Variants in EHHADH observed in about 807,000 individuals in gnomAD.
EHHADH encodes the protein peroxisomal bifunctional enzyme.
Under a neutral mutation model 64.4 loss-of-function variants are expected in EHHADH, and 48 were observed. The ratio of observed to expected loss-of-function variants is 0.75; its 90% CI spans 0.59 to 0.95. EHHADH has a LOEUF of 0.95. EHHADH is among the 40% of genes least tolerant of loss of function. The pLI, the probability that EHHADH is intolerant of heterozygous loss-of-function variation, is 0.00. For missense variants in EHHADH, 854 were observed against 876.6 expected, an observed-to-expected ratio of 0.97 and a Z score of 0.33; for synonymous variants, 308 against 326.7, an observed-to-expected ratio of 0.94 and a Z score of 0.62.
intron 6 of EHHADH, 78 bp from the exon 7 acceptor site, chr3:185,193,565 C>T: frequency 6.7e-7 from 1 of 1,496,990 alleles, no homozygotes; most frequent in Non-Finnish European, 9.0e-7. Flanking sequence ...GGATGGAAGG[C>T]TTATGTGACA....
intron 5 of EHHADH, among the ~76,000 whole-genome samples, chr3:185,208,198 G>A (rs1284908151): frequency 6.6e-6 from 1 of 152,204 alleles, no homozygotes; most frequent in Non-Finnish European, 1.5e-5. Flanking sequence ...AAAGAACTGA[G>A]GGAGGCTTTC....
At chr3:185,235,603 A>C in intron 2 of EHHADH, 141 bp from the exon 3 acceptor site, 1 of 657,626 alleles carries the variant, frequency 1.5e-6, no homozygotes, top group East Asian at 3.3e-5. Context: ...TGATGACTAA[A>C]GTCTCAGACC....
intron 5 of EHHADH, among the ~76,000 whole-genome samples, chr3:185,213,192 T>C (rs1190825943): frequency 7.9e-6 from 1 of 127,028 alleles, no homozygotes; most frequent in Non-Finnish European, 1.7e-5. Context: ...AAATCAAAAC[T>C]AGCAAAAATT....
chr3:185,236,367 C>T (rs1234379002), intron 2 of EHHADH, among the ~76,000 whole-genome samples: 22 of 138,274 alleles, frequency 1.6e-4, no homozygotes, highest in Non-Finnish European at 3.0e-4. Flanking sequence ...ATCCCTGCCC[C>T]CCCACCCTCC....
At chr3:185,199,381 C>T (rs937080253) in intron 6 of EHHADH, among the ~76,000 whole-genome samples, 4 of 152,126 alleles carry the variant, frequency 2.6e-5, no homozygotes, top group African/African-American at 4.8e-5. Context: ...CAATGAAATA[C>T]GATGGTGGTG....
Position 185,254,014 on chromosome 3 carries a change from C to A in EHHADH, c.9G>T (p.Glu3Asp), listed in dbSNP as rs940360362. The A allele has an allele frequency of 1.2e-6, 2 of 1,613,770 alleles. No individual in the cohort carries two copies. Among genetic ancestry groups the A allele is most frequent in the African/African-American group, 2.7e-5 (2 of 74,918 alleles). Residue 3 changes from glutamate to aspartate, a missense_variant, in exon 1 of 7, where the codon GAG (glutamate) becomes GAT (aspartate). By Grantham distance (45) the Glu-to-Asp change is conservative. Transcript: ENST00000231887. ...CCAAGGCGTTGTGCAGCCGCGTATA[C>A]TCGGCCATGTTTCCTCTATCACCGA... MA[E>D]YTRLHNALAL...
intron 6 of EHHADH, among the ~76,000 whole-genome samples, chr3:185,195,680 A>G (rs1459361362): frequency 6.6e-6 from 1 of 152,224 alleles, no homozygotes; most frequent in African/African-American, 2.4e-5. Flanking sequence ...ACAGAAACAG[A>G]AAACCAAATA....
In EHHADH at chr3:185,208,137, T is replaced by C. The variant is rs561508554; in HGVS notation, c.569-3380A>G. Among the ~76,000 whole-genome samples the C allele has an allele frequency of 2.0e-5, 3 of 152,368 alleles. No individual in the cohort carries two copies. The East Asian group carries it at 5.8e-4, about 29-fold the overall frequency. On this transcript the variant is annotated intron_variant, in intron 5 of 6. Transcript: ENST00000231887. Reference sequence around the variant, plus strand: ...TGCCCTCTCAAATTGGTCACTCTGATGGAAGCCAGCTGCCCTGTTGTGAGC... The same window carrying C: ...TGCCCTCTCAAATTGGTCACTCTGACGGAAGCCAGCTGCCCTGTTGTGAGC...
rs528994191 is a variant in EHHADH, at chr3:185,197,870, C to T, written c.911-4383G>A. Among the ~76,000 whole-genome samples the T allele has an allele frequency of 6.6e-5, 10 of 151,954 alleles. 1 individual carries two copies. Among genetic ancestry groups the T allele is most frequent in the Non-Finnish European group, 1.5e-4 (10 of 67,982 alleles). On this transcript the variant is annotated intron_variant, in intron 6 of 6. Coordinates refer to ENST00000231887, the MANE Select transcript of EHHADH (RefSeq NM_001966.4). ...GGAGTGCAGTGGCGTGATCTCGGAA[C>T]ACTGCAACCTCTGCCTCCTGGGTTC...
intron 6 of EHHADH, among the ~76,000 whole-genome samples, chr3:185,199,652 G>A (rs781118971): frequency 9.2e-5 from 14 of 152,270 alleles, no homozygotes; most frequent in South Asian, 6.2e-4. Flanking sequence ...AAATTATATC[G>A]TATTCAAAAT....
chr3:185,240,638 T>G (rs1719422542), intron 2 of EHHADH, among the ~76,000 whole-genome samples: 1 of 152,082 alleles, frequency 6.6e-6, no homozygotes. Flanking sequence ...AATTTCTAAT[T>G]GTGTTTATTT....
At position 185,192,000 on chromosome 3, in the gene EHHADH, A is replaced by C. The variant is rs1009156017; in HGVS notation, c.*226T>G. On this transcript the variant is annotated 3_prime_UTR_variant, in exon 7 of 7. Transcript: ENST00000231887. ...CATTAGCTATTATGGTATTATATTC[A>C]CACAAGTTCATGCATTGAATTTATC... The C allele has an allele frequency of 1.7e-5, 9 of 538,004 alleles. No individual in the cohort carries two copies. Among genetic ancestry groups the C allele is most frequent in the African/African-American group, 1.9e-5 (1 of 52,616 alleles). 33.3% of individuals were successfully genotyped at this position (538,004 alleles called of 1,614,324 possible). A position where few individuals can be genotyped will look rare whatever the true frequency, so the allele number is the denominator to read the frequency against.
At chr3:185,213,558 C>A (rs758068199) in intron 5 of EHHADH, among the ~76,000 whole-genome samples, 2 of 152,050 alleles carry the variant, frequency 1.3e-5, no homozygotes. Context: ...TTTTGTTCTG[C>A]TAAATGACCA....
chr3:185,224,732 G>A (rs1718928299), intron 4 of EHHADH, among the ~76,000 whole-genome samples: 1 of 152,066 alleles, frequency 6.6e-6, no homozygotes, highest in Non-Finnish European at 1.5e-5. Context: ...AAGAAAGAAT[G>A]TTTTCCTTGT....
intron 6 of EHHADH, among the ~76,000 whole-genome samples, chr3:185,202,259 A>T (rs573650604): frequency 6.6e-6 from 1 of 151,788 alleles, no homozygotes; most frequent in South Asian, 2.1e-4. Context: ...GAATTGCTGG[A>T]ACCTGGGAGG....
intron 2 of EHHADH, among the ~76,000 whole-genome samples, chr3:185,236,962 A>G (rs949731979): frequency 6.6e-6 from 1 of 152,222 alleles, no homozygotes; most frequent in African/African-American, 2.4e-5. Flanking sequence ...CAGGTAAGGA[A>G]GTTAATGCTT....
At chr3:185,210,342 C>T (rs1251534660) in intron 5 of EHHADH, among the ~76,000 whole-genome samples, 1 of 152,070 alleles carries the variant, frequency 6.6e-6, no homozygotes, top group Non-Finnish European at 1.5e-5. Flanking sequence ...CCAGGCCTCA[C>T]CATAGATTCA....
At chr3:185,250,440 G>T (rs773345057) in intron 1 of EHHADH, among the ~76,000 whole-genome samples, 13 of 152,096 alleles carry the variant, frequency 8.5e-5, no homozygotes, top group Non-Finnish European at 1.9e-4. Flanking sequence ...AAGAAGGAGG[G>T]GATTAATAAG....
At chr3:185,217,313 G>A (rs1042219946) in intron 5 of EHHADH, among the ~76,000 whole-genome samples, 6 of 152,024 alleles carry the variant, frequency 3.9e-5, no homozygotes, top group South Asian at 4.1e-4. Context: ...TTGGGAGGTC[G>A]AGGCAGGCAG....
Sources: gnomAD v4.1 joint callset for allele counts (sites outside exome capture counted in the v4.1 genomes callset) on GRCh38, gnomAD v4.1.1 for gene constraint, MANE v1.5 for transcripts, NCBI Gene and HGNC (gene_info 2026-07-23, HGNC 2026-07-21) for gene names.